The following ATG7 variants were observed in gnomAD, a reference collection of about 807,000 sequenced individuals.
The protein encoded by ATG7 is autophagy related 7.
Under a neutral mutation model 82.4 loss-of-function variants are expected in ATG7, and 70 were observed. The observed-to-expected ratio is 0.85, with a 90% CI of 0.70 to 1.04. ATG7 has a LOEUF of 1.04. Ranked by LOEUF, ATG7 falls within the 50% of genes least tolerant of loss-of-function variation. ATG7 has a pLI of 0.00. For missense variants in ATG7, 792 were observed against 864.3 expected (o/e 0.92, Z 1.05); for synonymous variants, 287 against 313.0 (o/e 0.92, Z 0.88).
chr3:11,442,739 C>CCAAA (rs1553668928), intron 20 of ATG7, among the ~76,000 whole-genome samples: 707 of 69,248 alleles, frequency 0.01, 132 homozygotes, highest in East Asian at 0.039. Context: ...TCCATCTCTA[C>CCAAA]AAAAAAAAAA....
intron 20 of ATG7, among the ~76,000 whole-genome samples, chr3:11,553,993 G>A (rs2072107318): frequency 6.6e-6 from 1 of 152,166 alleles, no homozygotes; most frequent in South Asian, 2.1e-4. Context: ...GCCCTCCAGG[G>A]AGCCCTGGGT....
intron 20 of ATG7, among the ~76,000 whole-genome samples, chr3:11,535,672 C>G (rs1350180550): frequency 3.3e-5 from 5 of 152,018 alleles, no homozygotes; most frequent in Non-Finnish European, 5.9e-5. Flanking sequence ...AGGGCTCGGC[C>G]CTCTCTCTTT....
chr3:11,449,530 A>G (rs989747357), intron 20 of ATG7, among the ~76,000 whole-genome samples: 1 of 152,206 alleles, frequency 6.6e-6, no homozygotes, highest in Non-Finnish European at 1.5e-5. Context: ...TAGTTAGTAT[A>G]CAAAGAAGCT....
At chr3:11,557,670 G>A (rs116096788), downstream of ATG7, 305 of 152,882 alleles carry the variant, frequency 2.0e-3, no homozygotes, top group African/African-American at 7.1e-3. Context: ...AAAGAAGATA[G>A]TAAGTATTAA....
At chr3:11,336,726 G>A (rs1267303383) in intron 11 of ATG7, among the ~76,000 whole-genome samples, 1 of 152,108 alleles carries the variant, frequency 6.6e-6, no homozygotes, top group African/African-American at 2.4e-5. Flanking sequence ...TGGAGTGAGT[G>A]CAGTGGCAAA....
intron 20 of ATG7, among the ~76,000 whole-genome samples, chr3:11,492,119 G>T (rs879703504): frequency 3.9e-5 from 6 of 152,190 alleles, no homozygotes; most frequent in Non-Finnish European, 8.8e-5. Context: ...GTGAGACTCC[G>T]TGGTCATAGG....
At chr3:11,458,057 A>T (rs2085917913) in intron 20 of ATG7, among the ~76,000 whole-genome samples, 1 of 152,192 alleles carries the variant, frequency 6.6e-6, no homozygotes, top group Admixed American at 6.5e-5. Flanking sequence ...TGCAGCAGAA[A>T]TATTTTCTAA....
At chr3:11,385,320 G>A (rs1449154610) in intron 19 of ATG7, among the ~76,000 whole-genome samples, 1 of 152,198 alleles carries the variant, frequency 6.6e-6, no homozygotes, top group Non-Finnish European at 1.5e-5. Flanking sequence ...GAGCCACTGC[G>A]CTCAGCCAGC....
At chr3:11,355,540 AG>A (rs1000404593) in intron 14 of ATG7, among the ~76,000 whole-genome samples, 4 of 152,196 alleles carry the variant, frequency 2.6e-5, no homozygotes, top group Non-Finnish European at 5.9e-5. Context: ...CTTGTTTTTA[AG>A]GGGGAAAAAA....
At chr3:11,441,009 G>A (rs1260401535) in intron 20 of ATG7, among the ~76,000 whole-genome samples, 1 of 151,950 alleles carries the variant, frequency 6.6e-6, no homozygotes, top group Non-Finnish European at 1.5e-5. Context: ...CAGCTATCTG[G>A]TGAAAAAAAT....
chr3:11,366,534 C>T (rs182848344), intron 18 of ATG7, among the ~76,000 whole-genome samples: 4 of 152,314 alleles, frequency 2.6e-5, no homozygotes, highest in African/African-American at 9.6e-5. Context: ...TGTCGTATCT[C>T]ATTTGAATCT....
At chr3:11,464,444 A>T (rs2086637191) in intron 20 of ATG7, among the ~76,000 whole-genome samples, 1 of 152,230 alleles carries the variant, frequency 6.6e-6, no homozygotes, top group Admixed American at 6.5e-5. Context: ...GGAATGTCCC[A>T]GTTGGTTAAC....
chr3:11,368,695 A>G (rs1195936546), intron 18 of ATG7, among the ~76,000 whole-genome samples: 1 of 139,876 alleles, frequency 7.1e-6, no homozygotes, highest in African/African-American at 2.7e-5. Flanking sequence ...CCAGTATCAC[A>G]CTACTGCATT....
At chr3:11,423,655 T>C (rs2082125685) in intron 19 of ATG7, among the ~76,000 whole-genome samples, 1 of 152,110 alleles carries the variant, frequency 6.6e-6, no homozygotes, top group Non-Finnish European at 1.5e-5. Flanking sequence ...GTCAAATTAA[T>C]TTCCCATGGC....
intron 20 of ATG7, among the ~76,000 whole-genome samples, chr3:11,527,850 A>T (rs2092616444): frequency 6.6e-6 from 1 of 152,254 alleles, no homozygotes. Flanking sequence ...AACAGCCAAC[A>T]TAGGTAAGAT....
At chr3:11,399,854 G>T (rs537132898) in intron 19 of ATG7, among the ~76,000 whole-genome samples, 1 of 152,190 alleles carries the variant, frequency 6.6e-6, no homozygotes, top group African/African-American at 2.4e-5. Flanking sequence ...GATTACACGT[G>T]AGCCACAGTG....
At chr3:11,306,904 C>T (rs1575325087) in intron 5 of ATG7, 39 bp from the exon 6 acceptor site, 2 of 1,551,914 alleles carry the variant, frequency 1.3e-6, no homozygotes, top group Middle Eastern at 1.7e-4. Context: ...TGGCTGAGTC[C>T]CAGCTGTGCC....
At chr3:11,320,775 G>A (rs180904493) in intron 9 of ATG7, among the ~76,000 whole-genome samples, 2 of 152,374 alleles carry the variant, frequency 1.3e-5, no homozygotes, top group African/African-American at 2.4e-5. Flanking sequence ...GTGAAGACTG[G>A]AGATTGCTCA....
intron 20 of ATG7, among the ~76,000 whole-genome samples, chr3:11,431,164 G>A (rs541271800): frequency 3.3e-5 from 5 of 152,376 alleles, no homozygotes; most frequent in African/African-American, 1.2e-4. Context: ...ACTTTTGGGA[G>A]GCCGAGGTGG....
Sources: allele counts gnomAD v4.1 joint callset (sites outside exome capture counted in the v4.1 genomes callset), GRCh38; gene constraint gnomAD v4.1.1; transcripts MANE v1.5; gene names NCBI Gene and HGNC (gene_info 2026-07-23, HGNC 2026-07-21).